ANXA4: variants seen among roughly 807,000 people sequenced by gnomAD.
ANXA4 encodes the protein annexin A4.
ANXA4 carries 39 observed loss-of-function variants against 49.8 expected under a neutral mutation model. The ratio of observed to expected loss-of-function variants is 0.78; its 90% CI spans 0.61 to 1.02. The LOEUF (loss-of-function observed/expected upper bound fraction) is 1.02. Among genes scored for constraint, ANXA4 ranks in the 50% least tolerant of loss-of-function variants. The probability of loss-of-function intolerance (pLI) is 0.00; values close to 1 mark genes in which losing one functional copy is unlikely to be tolerated. For missense variants in ANXA4, 360 were observed against 410.1 expected, an observed-to-expected ratio of 0.88 and a Z score of 1.05; for synonymous variants, 134 against 152.5, an observed-to-expected ratio of 0.88 and a Z score of 0.89.
intron 1 of ANXA4, among the ~76,000 whole-genome samples, chr2:69,779,890 GTGT>G (rs1672124706): frequency 6.6e-6 from 1 of 152,170 alleles, no homozygotes; most frequent in Non-Finnish European, 1.5e-5. Flanking sequence ...TGCTCAGGGT[GTGT>G]CCCAGGACTA....
At chr2:69,753,459 T>A (rs1449844501) in intron 1 of ANXA4, among the ~76,000 whole-genome samples, 4 of 152,206 alleles carry the variant, frequency 2.6e-5, no homozygotes, top group Non-Finnish European at 5.9e-5. Flanking sequence ...TGTGTACTTT[T>A]GAATTTGAGA....
At chr2:69,749,442 T>G (rs951093251) in intron 1 of ANXA4, among the ~76,000 whole-genome samples, 1 of 152,162 alleles carries the variant, frequency 6.6e-6, no homozygotes. Flanking sequence ...CATTGCAGCC[T>G]TGTTTGTAGT....
At chr2:69,677,918 C>G (rs1677463245) in intron 2 of ANXA4, among the ~76,000 whole-genome samples, 1 of 152,238 alleles carries the variant, frequency 6.6e-6, no homozygotes. Flanking sequence ...GGCATCCTGC[C>G]CTGTACCTGG....
chr2:69,803,746 G>A (rs1323905161), intron 3 of ANXA4, among the ~76,000 whole-genome samples: 1 of 151,908 alleles, frequency 6.6e-6, no homozygotes, highest in East Asian at 1.9e-4. Context: ...AGTTTGAATT[G>A]TTTCAAAACT....
chr2:69,741,137 T>C (rs1670382964), upstream of ANXA4, among the ~76,000 whole-genome samples: 1 of 152,210 alleles, frequency 6.6e-6, no homozygotes, highest in Admixed American at 6.5e-5. Context: ...ATGTTACCTC[T>C]CCAGCTTTAA....
At chr2:69,738,232 G>A (rs1670293528), upstream of ANXA4, among the ~76,000 whole-genome samples, 1 of 152,060 alleles carries the variant, frequency 6.6e-6, no homozygotes, top group Admixed American at 6.5e-5. Context: ...GGCTTGACAA[G>A]GGTGAGTTTA....
intron 2 of ANXA4, among the ~76,000 whole-genome samples, chr2:69,656,379 G>A (rs1230967792): frequency 1.5e-4 from 11 of 75,446 alleles, no homozygotes; most frequent in South Asian, 7.3e-4. Flanking sequence ...GTATATATGT[G>A]TATATATATG....
intron 2 of ANXA4, among the ~76,000 whole-genome samples, chr2:69,660,565 A>G (rs1676672732): frequency 6.6e-6 from 1 of 152,208 alleles, no homozygotes; most frequent in Non-Finnish European, 1.5e-5. Flanking sequence ...TACAAATGAA[A>G]TAAGAAATCA....
intron 1 of ANXA4, among the ~76,000 whole-genome samples, chr2:69,649,790 T>C (rs1021579927): frequency 6.6e-6 from 1 of 151,322 alleles, no homozygotes; most frequent in African/African-American, 2.4e-5. Context: ...TATTTTTTTA[T>C]TTTTTTATTT....
intron 3 of ANXA4, among the ~76,000 whole-genome samples, chr2:69,731,357 A>G (rs1670089116): frequency 6.6e-6 from 1 of 152,226 alleles, no homozygotes; most frequent in South Asian, 2.1e-4. Flanking sequence ...AGCAGTGGCC[A>G]CAAACTTAGC....
intron 3 of ANXA4, among the ~76,000 whole-genome samples, chr2:69,789,932 G>A (rs914424080): frequency 1.3e-5 from 2 of 152,098 alleles, no homozygotes; most frequent in African/African-American, 4.8e-5. Flanking sequence ...TGCGCCTAAA[G>A]GGAAGGAATA....
chr2:69,731,137 C>T lies in ANXA4; in HGVS notation n.864+10266C>T, dbSNP rs143891773. On this transcript the variant is annotated intron_variant and non_coding_transcript_variant, in intron 3 of 3. Coordinates refer to the ANXA4 transcript ENST00000418066. ...GGATGCAGAAGGTAACAACATAGGG[C>T]CTGGTTCCATCCCACTCAATGTTTG... 1.7e-3 allele frequency among the ~76,000 whole-genome samples: 264 copies of T among 152,284 alleles called. 1 individual carries two copies. Among genetic ancestry groups the T allele is most frequent in the African/African-American group, 6.1e-3 (255 of 41,550 alleles).
At chr2:69,789,679 T>C (rs1199943222) in intron 3 of ANXA4, among the ~76,000 whole-genome samples, 1 of 152,148 alleles carries the variant, frequency 6.6e-6, no homozygotes, top group African/African-American at 2.4e-5. Context: ...AGGGGGCTCA[T>C]GAGCAGAGGA....
chr2:69,819,444 T>C (rs941652013), intron 11 of ANXA4, 106 bp downstream of exon 11: 2 of 769,230 alleles, frequency 2.6e-6, no homozygotes, highest in African/African-American at 3.5e-5. Context: ...AAAGATCCAA[T>C]TCAATTCATC....
At chr2:69,752,604 A>G (rs992109669) in intron 1 of ANXA4, among the ~76,000 whole-genome samples, 2 of 152,178 alleles carry the variant, frequency 1.3e-5, no homozygotes, top group African/African-American at 4.8e-5. Flanking sequence ...TGGGAATGGG[A>G]ATGTTCACAC....
At chr2:69,823,158 C>T (rs527490543) in intron 12 of ANXA4, among the ~76,000 whole-genome samples, 1 of 150,282 alleles carries the variant, frequency 6.7e-6, no homozygotes, top group Admixed American at 6.6e-5. Flanking sequence ...TAATACTATA[C>T]CAACACTAAA....
intron 3 of ANXA4, among the ~76,000 whole-genome samples, chr2:69,790,953 G>T (rs1004753271): frequency 5.9e-5 from 9 of 152,156 alleles, no homozygotes; most frequent in African/African-American, 2.2e-4. Context: ...TGAGTTGTTT[G>T]CAAAACAGAC....
At chr2:69,813,911 C>A (rs1486582479) in intron 8 of ANXA4, among the ~76,000 whole-genome samples, 1 of 151,804 alleles carries the variant, frequency 6.6e-6, no homozygotes, top group Non-Finnish European at 1.5e-5. Flanking sequence ...GATGCACCAC[C>A]ACCACCCGGC....
chr2:69,650,412 A>C (rs1676188780), intron 1 of ANXA4, among the ~76,000 whole-genome samples: 1 of 152,210 alleles, frequency 6.6e-6, no homozygotes, highest in Non-Finnish European at 1.5e-5. Flanking sequence ...GACTTTAGAA[A>C]GTTTATTACA....
Sources: gnomAD v4.1 joint callset for allele counts (sites outside exome capture counted in the v4.1 genomes callset) on GRCh38, gnomAD v4.1.1 for gene constraint, MANE v1.5 for transcripts, NCBI Gene and HGNC (gene_info 2026-07-23, HGNC 2026-07-21) for gene names.